The following ADCY10 variants were observed in gnomAD, a reference collection of about 807,000 sequenced individuals.
ADCY10 encodes adenylate cyclase 10, also known as adenylate cyclase type 10.
Under a neutral mutation model 183.3 loss-of-function variants are expected in ADCY10, and 156 were observed. The ratio of observed to expected loss-of-function variants is 0.85; its 90% CI spans 0.75 to 0.97. The LOEUF is 0.97. Among genes scored for constraint, ADCY10 ranks in the 50% least tolerant of loss-of-function variants. The probability of loss-of-function intolerance (pLI) is 0.00; values close to 1 mark genes in which losing one functional copy is unlikely to be tolerated. For missense variants in ADCY10, 1,745 were observed against 1,934.3 expected, an observed-to-expected ratio of 0.90 and a Z score of 1.84; for synonymous variants, 645 against 670.0, an observed-to-expected ratio of 0.96 and a Z score of 0.58.
intron 1 of ADCY10, among the ~76,000 whole-genome samples, chr1:167,906,839 C>T (rs972234229): frequency 2.0e-5 from 3 of 151,680 alleles, no homozygotes; most frequent in Admixed American, 6.6e-5. Context: ...AATTGAATGT[C>T]GAGAATGAAA....
intron 8 of ADCY10, among the ~76,000 whole-genome samples, chr1:167,885,408 A>G (rs1414468505): frequency 6.6e-6 from 1 of 152,184 alleles, no homozygotes; most frequent in African/African-American, 2.4e-5. Context: ...TCTCATTAAC[A>G]GTGTACAAGG....
chr1:167,818,035 G>A, intron 31 of ADCY10, 37 bp downstream of exon 31: 1 of 1,567,850 alleles, frequency 6.4e-7, no homozygotes, highest in African/African-American at 1.4e-5. Flanking sequence ...TCCATTTAAG[G>A]CATATTTTAT....
chr1:167,870,753 G>A (rs1192192462), intron 13 of ADCY10, among the ~76,000 whole-genome samples: 5 of 150,816 alleles, frequency 3.3e-5, no homozygotes, highest in East Asian at 1.9e-4. Context: ...AGGTTGCAGC[G>A]AGCCGGGATC....
At chr1:167,857,491 G>A (rs1004687379) in intron 16 of ADCY10, among the ~76,000 whole-genome samples, 1 of 152,234 alleles carries the variant, frequency 6.6e-6, no homozygotes, top group African/African-American at 2.4e-5. Context: ...TTAATCTTGG[G>A]ATAGCCTTGT....
chr1:167,812,505 A>G lies in ADCY10; in HGVS notation c.4483-1592T>C, dbSNP rs374903619. Among the ~76,000 whole-genome samples the G allele has an allele frequency of 5.1e-4, 78 of 152,334 alleles. 1 individual carries two copies. The highest frequency in any genetic ancestry group is 1.8e-3 in the African/African-American group (76 of 41,580). On this transcript the variant is annotated intron_variant, in intron 31 of 32. Coordinates refer to ENST00000367851, the MANE Select transcript of ADCY10 (RefSeq NM_018417.6). ...CCTACAACAATAAAAAACAAAAACAACAACAAAACCCAGAAAACCCTGGGG... is the reference window on the plus strand; with the variant it reads ...CCTACAACAATAAAAAACAAAAACAGCAACAAAACCCAGAAAACCCTGGGG...
intron 14 of ADCY10, among the ~76,000 whole-genome samples, chr1:167,861,427 C>T (rs1044457937): frequency 1.3e-5 from 2 of 152,206 alleles, no homozygotes; most frequent in African/African-American, 4.8e-5. Flanking sequence ...AAGCCTCATT[C>T]TATCCTTTCT....
At chr1:167,877,543 C>A in intron 12 of ADCY10, among the ~76,000 whole-genome samples, 1 of 151,854 alleles carries the variant, frequency 6.6e-6, no homozygotes, top group East Asian at 1.9e-4. Context: ...TTATTGAGGA[C>A]CTACTGTATA....
At chr1:167,883,352 C>A (rs756836239) in intron 9 of ADCY10, 85 bp downstream of exon 9, 70 of 1,485,978 alleles carry the variant, frequency 4.7e-5, no homozygotes, top group Non-Finnish European at 6.1e-5. Flanking sequence ...GGTTAAATTT[C>A]CTGTGTCTAT....
At chr1:167,861,124 T>C in intron 14 of ADCY10, 61 bp from the exon 15 acceptor site, 2 of 1,423,386 alleles carry the variant, frequency 1.4e-6, no homozygotes, top group Non-Finnish European at 1.9e-6. Flanking sequence ...TTGAAAATAA[T>C]AGAGGTTGAA....
At chr1:167,912,991 C>G (rs561788328) in intron 1 of ADCY10, among the ~76,000 whole-genome samples, 5 of 152,194 alleles carry the variant, frequency 3.3e-5, no homozygotes, top group Non-Finnish European at 5.9e-5. Flanking sequence ...CATTTGTATA[C>G]GCTTTATAGC....
rs749384968 is a variant in ADCY10 at position 167,846,283 on chromosome 1, C to T, written c.2438-20G>A. On this transcript the variant is annotated intron_variant, in intron 19 of 32. Coordinates refer to ENST00000367851, the MANE Select transcript of ADCY10 (RefSeq NM_018417.6). ...AGATTTCTGCAGGTAGAAGGCCACA[C>T]AGTAGAAAACTAGTTATTTATCTTT... The T allele has an allele frequency of 6.2e-7, 1 of 1,613,836 alleles. No individual in the cohort carries two copies. Among genetic ancestry groups the T allele is most frequent in the Non-Finnish European group, 8.5e-7 (1 of 1,179,730 alleles).
In ADCY10 at chr1:167,897,506, T is replaced by A. The variant is rs192353877; in HGVS notation, c.643-815A>T. Among the ~76,000 whole-genome samples the A allele has an allele frequency of 2.8e-3, 334 of 120,340 alleles. 3 individuals are homozygous for A. Among genetic ancestry groups the A allele is most frequent in the East Asian group, 0.019 (90 of 4,656 alleles). The allele number at this position is 120,340 out of a possible 152,430, so 78.9% of individuals were successfully genotyped here. On this transcript the variant is annotated intron_variant, in intron 6 of 32. Transcript: ENST00000367851. ...AGTAAGATTCCATCTCAAAAAAAAA[T>A]ATATATATATGTATATATATATAGA...
intron 16 of ADCY10, among the ~76,000 whole-genome samples, chr1:167,857,803 G>A (rs1666013023): frequency 6.6e-6 from 1 of 152,184 alleles, no homozygotes; most frequent in African/African-American, 2.4e-5. Context: ...GATAGTTAAT[G>A]GTCCAAAGAC....
intron 2 of ADCY10, 94 bp from the exon 3 acceptor site, chr1:167,904,085 T>C: frequency 6.1e-6 from 2 of 326,826 alleles, no homozygotes; most frequent in Non-Finnish European, 5.4e-6. Flanking sequence ...GCCTCAGCTT[T>C]TTTTTTTTTT....
At chr1:167,887,418 C>T (rs1668301549) in intron 8 of ADCY10, among the ~76,000 whole-genome samples, 1 of 152,090 alleles carries the variant, frequency 6.6e-6, no homozygotes, top group East Asian at 1.9e-4. Flanking sequence ...AGTTGGAAAC[C>T]ATCATTCTGA....
chr1:167,885,198 ACT>A (rs1668140450), intron 8 of ADCY10, among the ~76,000 whole-genome samples: 1 of 152,186 alleles, frequency 6.6e-6, no homozygotes, highest in Non-Finnish European at 1.5e-5. Flanking sequence ...GTTGATGGAC[ACT>A]TAAGCTGCTT....
chr1:167,896,549 T>C, intron 7 of ADCY10, 46 bp downstream of exon 7: 1 of 1,452,800 alleles, frequency 6.9e-7, no homozygotes, highest in Non-Finnish European at 9.7e-7. Context: ...AAGACCCTAC[T>C]GACCACTGGT....
Position 167,860,945 on chromosome 1 carries a change from T to C in ADCY10, c.1735A>G (p.Asn579Asp). 4 of 1,614,150 alleles carry C rather than the reference T, an allele frequency of 2.5e-6. No individual in the cohort carries two copies. Among genetic ancestry groups the C allele is most frequent in the African/African-American group, 1.3e-5 (1 of 75,034 alleles). The change falls in exon 15 of 33, where the codon AAC becomes GAC. Residue 579 changes from asparagine to aspartate, a missense_variant. Asn to Asp is a conservative substitution (Grantham distance 23, BLOSUM62 1). Coordinates refer to ENST00000367851, the MANE Select transcript of ADCY10 (RefSeq NM_018417.6). ...TCKHYKERQTNLRNKVMTLLD... is the reference protein window; with the variant it reads ...TCKHYKERQTDLRNKVMTLLD... ...AGTGTCATGACTTTATTTCGAAGGT[T>C]GGTCTGTCGTTCTTTATAATGTTTA...
chr1:167,884,842 C>T (rs1668116485), intron 8 of ADCY10, among the ~76,000 whole-genome samples: 1 of 152,090 alleles, frequency 6.6e-6, no homozygotes, highest in Non-Finnish European at 1.5e-5. Context: ...GGATTGCAGG[C>T]ATGCACCACC....
Sources: gnomAD v4.1 joint callset for allele counts (sites outside exome capture counted in the v4.1 genomes callset) on GRCh38, gnomAD v4.1.1 for gene constraint, MANE v1.5 for transcripts, NCBI Gene and HGNC (gene_info 2026-07-23, HGNC 2026-07-21) for gene names.